Variants in TMEM117 observed in about 807,000 individuals in gnomAD.
TMEM117 encodes the protein transmembrane protein 117.
A neutral mutation model predicts 52.4 loss-of-function variants in TMEM117; 27 were observed. The ratio of observed to expected loss-of-function variants is 0.51; its 90% CI spans 0.38 to 0.71. TMEM117 has a LOEUF of 0.71. Ranked by LOEUF, TMEM117 falls within the 30% of genes least tolerant of loss-of-function variation. The probability of loss-of-function intolerance (pLI) is 0.00; values close to 1 mark genes in which losing one functional copy is unlikely to be tolerated. For synonymous variants in TMEM117, 215 were observed against 206.3 expected (o/e 1.04, Z -0.36); for missense variants, 556 against 630.5 (o/e 0.88, Z 1.26).
intron 2 of TMEM117, among the ~76,000 whole-genome samples, chr12:43,899,178 GTTTAAT>G (rs1318000395): frequency 6.6e-6 from 1 of 152,128 alleles, no homozygotes; most frequent in Non-Finnish European, 1.5e-5. Context: ...TCCTAAATAT[GTTTAAT>G]TACAAAACCC....
At chr12:44,140,136 A>G (rs1476483304) in intron 3 of TMEM117, among the ~76,000 whole-genome samples, 1 of 152,176 alleles carries the variant, frequency 6.6e-6, no homozygotes, top group Non-Finnish European at 1.5e-5. Context: ...AGCACTTATC[A>G]TATGTCCACA....
At chr12:43,864,130 G>C (rs970478127) in intron 2 of TMEM117, among the ~76,000 whole-genome samples, 1 of 152,174 alleles carries the variant, frequency 6.6e-6, no homozygotes, top group African/African-American at 2.4e-5. Context: ...TGCCTCCCTG[G>C]GGGGCAGGGC....
At chr12:43,958,893 G>C (rs1304711379) in intron 3 of TMEM117, among the ~76,000 whole-genome samples, 1 of 151,958 alleles carries the variant, frequency 6.6e-6, no homozygotes, top group East Asian at 1.9e-4. Context: ...TGCAAGCTCC[G>C]CCTCCCGGGT....
intron 5 of TMEM117, among the ~76,000 whole-genome samples, chr12:44,291,459 T>C (rs1394950593): frequency 3.3e-5 from 5 of 151,440 alleles, no homozygotes; most frequent in African/African-American, 4.8e-5. Context: ...AAACAGTTTT[T>C]CTTCCTTTCT....
chr12:43,844,395 A>G (rs1466928070), intron 1 of TMEM117, among the ~76,000 whole-genome samples: 1 of 152,058 alleles, frequency 6.6e-6, no homozygotes, highest in African/African-American at 2.4e-5. Context: ...ATACTCTTTC[A>G]TTGTTTTTCT....
At chr12:44,126,965 G>T (rs1214214258) in intron 3 of TMEM117, among the ~76,000 whole-genome samples, 1 of 152,182 alleles carries the variant, frequency 6.6e-6, no homozygotes, top group Non-Finnish European at 1.5e-5. Context: ...TAAGGCACAG[G>T]TATGAACTCA....
chr12:44,191,239 C>T (rs865910651), intron 4 of TMEM117, among the ~76,000 whole-genome samples: 6 of 152,068 alleles, frequency 3.9e-5, no homozygotes, highest in South Asian at 4.1e-4. Flanking sequence ...ATGGGAGAAA[C>T]CACTCCTATG....
chr12:43,803,958 C>CTGT, the TMEM117 span, among the ~76,000 whole-genome samples: 1 of 152,206 alleles, frequency 6.6e-6, no homozygotes, highest in South Asian at 2.1e-4. Flanking sequence ...TTCTCCCACT[C>CTGT]AACCAGATTC....
intron 6 of TMEM117, among the ~76,000 whole-genome samples, chr12:44,333,697 C>A (rs184085851): frequency 6.6e-6 from 1 of 152,010 alleles, no homozygotes; most frequent in Non-Finnish European, 1.5e-5. Flanking sequence ...AAACCTGTTT[C>A]TTTTATGAAT....
chr12:44,122,907 A>G (rs569167104), intron 3 of TMEM117, among the ~76,000 whole-genome samples: 3 of 152,320 alleles, frequency 2.0e-5, no homozygotes, highest in Non-Finnish European at 2.9e-5. Context: ...AACAATTGGT[A>G]TCCCTTTTGG....
At chr12:43,979,651 A>G (rs1031816574) in intron 3 of TMEM117, among the ~76,000 whole-genome samples, 5 of 152,172 alleles carry the variant, frequency 3.3e-5, no homozygotes, top group African/African-American at 1.2e-4. Flanking sequence ...GGGGCCCCAT[A>G]GGTTGCAAAT....
At chr12:44,308,943 T>C (rs767398743) in intron 6 of TMEM117, among the ~76,000 whole-genome samples, 4 of 152,240 alleles carry the variant, frequency 2.6e-5, no homozygotes, top group South Asian at 2.1e-4. Context: ...ATGGATGCTG[T>C]CAGGGATATG....
At chr12:44,006,651 A>G (rs1946201089) in intron 3 of TMEM117, among the ~76,000 whole-genome samples, 1 of 152,214 alleles carries the variant, frequency 6.6e-6, no homozygotes. Context: ...ATGATATCTG[A>G]AGAATTTAGA....
chr12:44,303,473 A>G (rs1357737287), intron 6 of TMEM117, among the ~76,000 whole-genome samples: 1 of 152,162 alleles, frequency 6.6e-6, no homozygotes, highest in Non-Finnish European at 1.5e-5. Flanking sequence ...GTAAATCATT[A>G]ATTTTTATAG....
chr12:44,009,418 C>T (rs1474642981), intron 3 of TMEM117: 1 of 203,930 alleles, frequency 4.9e-6, no homozygotes, highest in East Asian at 1.7e-4. Context: ...CAGAAAAATA[C>T]ACAACCACTT....
chr12:44,237,300 G>A (rs572876208), intron 5 of TMEM117, among the ~76,000 whole-genome samples: 9 of 151,940 alleles, frequency 5.9e-5, no homozygotes, highest in South Asian at 2.1e-4. Context: ...TGAAGCCCCC[G>A]GACGTTGTTC....
intron 4 of TMEM117, among the ~76,000 whole-genome samples, chr12:44,178,028 C>T (rs1200434345): frequency 6.6e-6 from 1 of 152,100 alleles, no homozygotes; most frequent in African/African-American, 2.4e-5. Flanking sequence ...ATATAATTCA[C>T]CTAAGTATTT....
chr12:44,071,010 G>A (rs1268089252), intron 3 of TMEM117, among the ~76,000 whole-genome samples: 1 of 152,198 alleles, frequency 6.6e-6, no homozygotes, highest in Non-Finnish European at 1.5e-5. Context: ...TTCAGGGGTA[G>A]AGTATATTTC....
At chr12:43,820,097 G>GT in the TMEM117 span, among the ~76,000 whole-genome samples, 4 of 150,960 alleles carry the variant, frequency 2.6e-5, no homozygotes, top group East Asian at 7.8e-4. Flanking sequence ...AATTACAGGT[G>GT]TATTTTTTTT....
Sources: gnomAD v4.1 joint callset for allele counts (sites outside exome capture counted in the v4.1 genomes callset) on GRCh38, gnomAD v4.1.1 for gene constraint, MANE v1.5 for transcripts, NCBI Gene and HGNC (gene_info 2026-07-23, HGNC 2026-07-21) for gene names.